CEP43: variants seen among roughly 807,000 people sequenced by gnomAD.
The protein encoded by CEP43 is centrosomal protein 43, also known as FGFR1 oncogene partner.
Under a neutral mutation model 52.6 loss-of-function variants are expected in CEP43, and 36 were observed. The observed-to-expected ratio is 0.68, with a 90% CI of 0.52 to 0.90. The LOEUF is 0.90. CEP43 is among the 40% of genes least tolerant of loss of function. CEP43 has a pLI of 0.00. For synonymous variants in CEP43, 192 were observed against 172.4 expected (o/e 1.11, Z -0.89); for missense variants, 506 against 472.8 (o/e 1.07, Z -0.65).
chr6:166,999,828 A>G (rs1779687991), intron 1 of CEP43: 1 of 560,266 alleles, frequency 1.8e-6, no homozygotes, highest in Non-Finnish European at 3.1e-6. Flanking sequence ...GTGCGGCCCC[A>G]GCGTCTCTTC....
chr6:167,014,175 T>G (rs1780044136), intron 7 of CEP43, among the ~76,000 whole-genome samples: 1 of 152,230 alleles, frequency 6.6e-6, no homozygotes, highest in Non-Finnish European at 1.5e-5. Flanking sequence ...ACATTGTGAT[T>G]TTTATTTGAG....
chr6:167,031,131 AGG>A (rs1780462259), intron 10 of CEP43, among the ~76,000 whole-genome samples: 1 of 152,220 alleles, frequency 6.6e-6, no homozygotes, highest in Non-Finnish European at 1.5e-5. Flanking sequence ...AATGTTGCCC[AGG>A]CTGGTCTCAA....
At position 167,042,376 on chromosome 6, in the gene CEP43, A is replaced by G; in HGVS notation, c.*2398A>G. The G allele has an allele frequency of 1.0e-6, 1 of 966,852 alleles. No individual in the cohort carries two copies. The highest frequency in any genetic ancestry group is 1.2e-6 in the Non-Finnish European group (1 of 807,348). The allele number at this position is 966,852 out of a possible 1,614,324, so 59.9% of individuals were successfully genotyped here. ...GCTAGGTCTTTCTTTCATTTTATTG[A>G]TAACTACAAATGAATAAAAAGCATT... On this transcript the variant is annotated 3_prime_UTR_variant, in exon 13 of 13. Coordinates refer to ENST00000366847, the MANE Select transcript of CEP43 (RefSeq NM_007045.4).
At chr6:167,023,459 C>A (rs991303213) in intron 8 of CEP43, among the ~76,000 whole-genome samples, 1 of 152,296 alleles carries the variant, frequency 6.6e-6, no homozygotes, top group Non-Finnish European at 1.5e-5. Flanking sequence ...GTGGCAAGAG[C>A]AAGAGTGGAT....
intron 11 of CEP43, among the ~76,000 whole-genome samples, chr6:167,033,598 T>A (rs999675996): frequency 6.6e-6 from 1 of 152,188 alleles, no homozygotes; most frequent in Non-Finnish European, 1.5e-5. Context: ...ATGTAGTAGA[T>A]GAAATTGTAA....
chr6:167,015,725 A>G (rs1780081956), intron 7 of CEP43, among the ~76,000 whole-genome samples: 1 of 152,234 alleles, frequency 6.6e-6, no homozygotes, highest in South Asian at 2.1e-4. Context: ...GACCCTTGGC[A>G]CTTTCTTCAG....
intron 10 of CEP43, among the ~76,000 whole-genome samples, chr6:167,029,312 T>G (rs1780418695): frequency 6.6e-6 from 1 of 152,242 alleles, no homozygotes. Context: ...AGGGCCAAAA[T>G]TTGCTGACCC....
At chr6:167,003,172 A>C in intron 2 of CEP43, 21 bp from the exon 3 acceptor site, 1 of 1,159,790 alleles carries the variant, frequency 8.6e-7, no homozygotes, top group Non-Finnish European at 1.2e-6. Flanking sequence ...CATGACACTT[A>C]AATTTTTTTT....
Position 167,026,604 on chromosome 6 carries a change from C to T in CEP43, c.977C>T (p.Ser326Leu), listed in dbSNP as rs746735007. The change falls in exon 10 of 13, where the codon TCA (serine) becomes TTA (leucine). Residue 326 changes from serine (S) to leucine (L), a missense_variant. Coordinates refer to ENST00000366847, the MANE Select transcript of CEP43 (RefSeq NM_007045.4). ...DLKLISDKIG[S>L]LGLGTGEDDD... ...AAATTGATCAGTGATAAAATTGGAT[C>T]ACTTGGATTAGGTAATTAGATTTCT... 3.8e-6 allele frequency: 6 copies of T among 1,583,372 alleles called. No homozygotes were observed. Among genetic ancestry groups the T allele is most frequent in the Middle Eastern group, 1.7e-4 (1 of 6,010 alleles).
At position 167,042,264 on chromosome 6, in the gene CEP43, T is replaced by C. The variant is rs537825363; in HGVS notation, c.*2286T>C. On this transcript the variant is annotated 3_prime_UTR_variant, in exon 13 of 13. Transcript: ENST00000366847. ...TGACAGGTTTTGCATGTGATGAGTG[T>C]TTTCTGTTAAAAAATAAATATTGAA... 1.9e-5 allele frequency: 19 copies of C among 1,006,046 alleles called. No homozygotes were observed. In the African/African-American group the frequency reaches 3.1e-4, roughly 16 times the overall value. 62.3% of individuals were successfully genotyped at this position (1,006,046 alleles called of 1,614,324 possible). A position where few individuals can be genotyped will look rare whatever the true frequency, so the allele number is the denominator to read the frequency against.
chr6:167,004,132 G>A, intron 4 of CEP43, 132 bp from the exon 5 acceptor site: 1 of 997,338 alleles, frequency 1.0e-6, no homozygotes, highest in Non-Finnish European at 1.4e-6. Flanking sequence ...TTTTAAAATA[G>A]ACATTTCATT....
intron 6 of CEP43, among the ~76,000 whole-genome samples, chr6:167,012,406 C>T (rs1260870565): frequency 6.6e-6 from 1 of 151,728 alleles, no homozygotes; most frequent in Non-Finnish European, 1.5e-5. Context: ...GCTATAACCC[C>T]AGTGATAGAG....
intron 2 of CEP43, among the ~76,000 whole-genome samples, chr6:167,000,446 C>G (rs759469534): frequency 2.6e-5 from 4 of 152,178 alleles, no homozygotes; most frequent in Non-Finnish European, 5.9e-5. Flanking sequence ...TGTTATTAAT[C>G]CCTATGAAAC....
At position 167,009,623 on chromosome 6, in the gene CEP43, C is replaced by T. The variant is rs544737891; in HGVS notation, c.439-1190C>T. On this transcript the variant is annotated intron_variant, in intron 5 of 12. Transcript: ENST00000366847. The stretch of plus-strand genomic sequence containing the variant: ...GAGGTTGCAGTAAGCCAAGATCTCG[C>T]CATTGCACTCTAACCTGGACAACAA... Among the ~76,000 whole-genome samples the T allele has an allele frequency of 3.7e-3, 548 of 148,970 alleles. 3 individuals carry two copies. The highest frequency in any genetic ancestry group is 6.0e-3 in the Non-Finnish European group (402 of 67,472).
rs561812386 is a variant in CEP43, at chr6:167,033,022, C to G, written c.1028+380C>G. 2.4e-4 allele frequency among the ~76,000 whole-genome samples: 36 copies of G among 150,366 alleles called. No individual in the cohort carries two copies. The South Asian group carries it at 7.6e-3, about 32-fold the overall frequency. On this transcript the variant is annotated intron_variant, in intron 11 of 12. Transcript: ENST00000366847. ...AAAATTGACCTAAAATAATTATGCT[C>G]TCAAATTAGTTTTTTGATTCAGATC...
rs969660761 is a variant in CEP43 at position 167,040,977 on chromosome 6, C to T, written c.*999C>T. ...AGCATTATTGCTATTATGTAGGTCA[C>T]GGATGTTTATAATACTAAAGTATTT... On this transcript the variant is annotated 3_prime_UTR_variant, in exon 13 of 13. Transcript: ENST00000366847. The T allele has an allele frequency of 3.1e-5, 32 of 1,024,756 alleles. No homozygotes were observed. The highest frequency in any genetic ancestry group is 6.3e-5 in the East Asian group (1 of 15,914). The allele number at this position is 1,024,756 out of a possible 1,614,324, so 63.5% of individuals were successfully genotyped here.
rs955033991 is a variant in CEP43, at chr6:167,048,780, A to C, written c.*8802A>C. The C allele has an allele frequency of 2.6e-5, 4 of 152,228 alleles. No individual in the cohort carries two copies. Among genetic ancestry groups the C allele is most frequent in the African/African-American group, 9.6e-5 (4 of 41,462 alleles). The allele number at this position is 152,228 out of a possible 1,614,324, so 9.4% of individuals were successfully genotyped here. A position where few individuals can be genotyped will look rare whatever the true frequency, so the allele number is the denominator to read the frequency against. On this transcript the variant is annotated 3_prime_UTR_variant, in exon 13 of 13. Transcript: ENST00000366847. ...TGCCATTATGATGACATTAATGAAA[A>C]ATTGGTTAATGAATGTCATTGAAAG...
chr6:167,040,184 T>C lies in CEP43; in HGVS notation c.*206T>C, dbSNP rs1174909130. On this transcript the variant is annotated 3_prime_UTR_variant, in exon 13 of 13. Transcript: ENST00000366847. The stretch of plus-strand genomic sequence containing the variant: ...GAGCCCATGTGTGGAAGATTTAATA[T>C]TCTTAATTTAACTGTACATTTCTTT... 1 of 1,530,982 alleles carries C rather than the reference T, an allele frequency of 6.5e-7. No homozygotes were observed. Among genetic ancestry groups the C allele is most frequent in the Non-Finnish European group, 8.7e-7 (1 of 1,144,224 alleles). 94.8% of individuals were successfully genotyped at this position (1,530,982 alleles called of 1,614,324 possible).
intron 6 of CEP43, 90 bp downstream of exon 6, chr6:167,010,983 G>A (rs1041433537): frequency 2.9e-6 from 2 of 681,702 alleles, no homozygotes; most frequent in South Asian, 2.8e-5. Context: ...GTTACAAGTT[G>A]TATTGTTTTA....
Sources: gnomAD v4.1 joint callset for allele counts (sites outside exome capture counted in the v4.1 genomes callset) on GRCh38, gnomAD v4.1.1 for gene constraint, MANE v1.5 for transcripts, NCBI Gene and HGNC (gene_info 2026-07-23, HGNC 2026-07-21) for gene names.